PLAGL1: variants seen among roughly 807,000 people sequenced by gnomAD.
The protein encoded by PLAGL1 is zinc finger protein PLAGL1.
A neutral mutation model predicts 4.6 loss-of-function variants in PLAGL1; 1 was observed. The observed-to-expected ratio is 0.22, with a 90% confidence interval of 0.08 to 1.03. The LOEUF (loss-of-function observed/expected upper bound fraction) is 1.03, where lower values mean the gene tolerates loss of function less well. Among genes scored for constraint, PLAGL1 ranks in the 50% least tolerant of loss-of-function variants. PLAGL1 has a pLI of 0.58. For missense variants in PLAGL1, 464 were observed against 570.4 expected, an observed-to-expected ratio of 0.81 and a Z score of 1.90; for synonymous variants, 240 against 237.8, an observed-to-expected ratio of 1.01 and a Z score of -0.08.
rs1780186842 is a variant in PLAGL1 at position 143,948,052 on chromosome 6, C to T, written c.85G>A (p.Glu29Lys). The T allele has an allele frequency of 1.2e-6, 2 of 1,613,986 alleles. No homozygotes were observed. The highest frequency in any genetic ancestry group is 2.7e-5 in the African/African-American group (2 of 74,946). The change falls in exon 7 of 8, where the codon GAG becomes AAG. Residue 29 changes from glutamate (E) to lysine (K), a missense_variant. Glu to Lys is a moderately conservative substitution (Grantham distance 56). Coordinates refer to ENST00000674357, the MANE Select transcript of PLAGL1 (RefSeq NM_001317162.2). This position sits in a 1 kb window ranked among gnomAD's most constrained non-coding sequence, Gnocchi z 6.0. ...GGCTGCACACACTTGTACGGCCGCT[C>T]CCTGGAGTGGGAATAATTGTGAATC... Reference protein sequence around the residue: ...FTIHNYSHSRERPYKCVQPDC... With the variant: ...FTIHNYSHSRKRPYKCVQPDC...
Position 144,063,220 on chromosome 6 carries a change from C to T in PLAGL1, c.-151+1248G>A, listed in dbSNP as rs981631228. 1.3e-5 allele frequency among the ~76,000 whole-genome samples: 2 copies of T among 152,194 alleles called. No individual in the cohort carries two copies. The highest frequency in any genetic ancestry group is 2.9e-5 in the Non-Finnish European group (2 of 68,038). ...AACTTTGTAGTATTCCAATTTCTCC[C>T]CTTTCCACACACTTCCATACACCCT... is the stretch of plus-strand genomic sequence containing the variant. On this transcript the variant is annotated intron_variant, in intron 1 of 3. Coordinates refer to the PLAGL1 transcript ENST00000437412. This position sits in a 1 kb window ranked among gnomAD's most constrained non-coding sequence, Gnocchi z 5.7.
chr6:144,025,661 G>A (rs528474669), intron 1 of PLAGL1, among the ~76,000 whole-genome samples: 9 of 152,166 alleles, frequency 5.9e-5, no homozygotes, highest in South Asian at 2.1e-4. Context: ...AGGCTGAGGC[G>A]GGTAGATAAC....
intron 1 of PLAGL1, among the ~76,000 whole-genome samples, chr6:144,035,607 C>G (rs1797160721): frequency 6.6e-6 from 1 of 152,190 alleles, no homozygotes; most frequent in Non-Finnish European, 1.5e-5. Flanking sequence ...TGCCCAGGAA[C>G]AATGCTTTGC....
chr6:144,051,666 T>C (rs926642376), intron 1 of PLAGL1, among the ~76,000 whole-genome samples: 5 of 152,212 alleles, frequency 3.3e-5, no homozygotes, highest in Admixed American at 3.3e-4. Context: ...TTTAATGGAC[T>C]TACAGTTCCA....
Position 143,968,538 on chromosome 6 carries a change from C to T in PLAGL1, c.-472+369G>A, listed in dbSNP as rs768993086. On this transcript the variant is annotated intron_variant, in intron 3 of 7. Coordinates refer to ENST00000674357, the MANE Select transcript of PLAGL1 (RefSeq NM_001317162.2). The surrounding 1 kb of genome is among the most constrained non-coding windows in gnomAD (Gnocchi z 6.3). ...TTTAAAATATAACAGAAAGAGATCA[C>T]GAAGTTTCTAGTGAGCAAGTCATGA... 1.4e-4 allele frequency: 22 copies of T among 152,014 alleles called. No homozygotes were observed. The highest frequency in any genetic ancestry group is 1.2e-3 in the South Asian group (6 of 4,810). 9.4% of individuals were successfully genotyped at this position (152,014 alleles called of 1,614,324 possible).
chr6:143,992,500 T>TTA (rs1379876959), intron 1 of PLAGL1, among the ~76,000 whole-genome samples: 1 of 152,200 alleles, frequency 6.6e-6, no homozygotes, highest in African/African-American at 2.4e-5. Flanking sequence ...GTAGGATGTT[T>TTA]TAGCAAAAAC....
intron 6 of PLAGL1, among the ~76,000 whole-genome samples, chr6:143,951,504 A>G (rs962430302): frequency 1.3e-5 from 2 of 152,364 alleles, no homozygotes; most frequent in South Asian, 2.1e-4. Flanking sequence ...CTTACCAAAC[A>G]CACTAGGAGT....
intron 1 of PLAGL1, among the ~76,000 whole-genome samples, chr6:144,043,981 TTC>T (rs1797934986): frequency 6.6e-6 from 1 of 152,230 alleles, no homozygotes; most frequent in Admixed American, 6.5e-5. Context: ...GGTTATAGTA[TTC>T]TCTGATAGAA....
rs1718513100 is a variant in PLAGL1 at position 143,945,967 on chromosome 6, GAAC to G, written c.152+2015_152+2017del. Among the ~76,000 whole-genome samples the G allele has an allele frequency of 6.6e-6, 1 of 152,170 alleles. No individual in the cohort carries two copies. The highest frequency in any genetic ancestry group is 2.1e-4 in the South Asian group (1 of 4,826). ...CTGAACAAGCCATTTTCCTTGCTAA[GAAC>G]AACTACCTTCTAAACATGACTTAAG... On this transcript the variant is annotated intron_variant, in intron 7 of 7. Coordinates refer to ENST00000674357, the MANE Select transcript of PLAGL1 (RefSeq NM_001317162.2). This position sits in a 1 kb window ranked among gnomAD's most constrained non-coding sequence, Gnocchi z 4.2.
Position 144,050,936 on chromosome 6 carries a change from T to C in PLAGL1, c.-151+13532A>G, listed in dbSNP as rs1347201112. ...GCCAAAAACCTTAGGGAACTGTATC[T>C]GTTACTCTTTTATTACCAATAATAT... On this transcript the variant is annotated intron_variant, in intron 1 of 3. Coordinates refer to the PLAGL1 transcript ENST00000437412. The surrounding 1 kb of genome is among the most constrained non-coding windows in gnomAD (Gnocchi z 4.3). Among the ~76,000 whole-genome samples, 1 of 152,226 alleles carries C rather than the reference T, an allele frequency of 6.6e-6. No homozygotes were observed.
rs551820792 is a variant in PLAGL1, at chr6:143,955,791, A to C, written c.-325+4678T>G. ...GGTGGGCTGGATAATGAGATCATTT[A>C]GGCTTCTGCCAGATCTCAGAAGAGA... On this transcript the variant is annotated intron_variant, in intron 6 of 7. Coordinates refer to ENST00000674357, the MANE Select transcript of PLAGL1 (RefSeq NM_001317162.2). This position sits in a 1 kb window ranked among gnomAD's most constrained non-coding sequence, Gnocchi z 4.9. Among the ~76,000 whole-genome samples, 4 of 152,214 alleles carry C rather than the reference A, an allele frequency of 2.6e-5. No homozygotes were observed. In the South Asian group the frequency reaches 8.3e-4, roughly 32 times the overall value.
intron 1 of PLAGL1, among the ~76,000 whole-genome samples, chr6:144,043,712 C>G (rs1298400115): frequency 6.6e-6 from 1 of 151,972 alleles, no homozygotes; most frequent in African/African-American, 2.4e-5. Context: ...AGGGAGGATT[C>G]CCTCTTTTTC....
At chr6:144,029,245 G>A (rs957205376) in intron 1 of PLAGL1, among the ~76,000 whole-genome samples, 2 of 151,990 alleles carry the variant, frequency 1.3e-5, no homozygotes, top group Admixed American at 1.3e-4. Context: ...GGTAAGGAAG[G>A]CATTTCCAAG....
At position 144,045,231 on chromosome 6, in the gene PLAGL1, G is replaced by A. The variant is rs578104694; in HGVS notation, c.-151+19237C>T. 2.9e-4 allele frequency among the ~76,000 whole-genome samples: 44 copies of A among 152,162 alleles called. No homozygotes were observed. The East Asian group carries it at 6.0e-3, about 21-fold the overall frequency. On this transcript the variant is annotated intron_variant, in intron 1 of 3. Coordinates refer to the PLAGL1 transcript ENST00000437412. ...GTGAATTTGATCCTGTCATTATGATGTTAGCTGGTTGTTTTGCCTGTTAAT... is the reference window on the plus strand; with the variant it reads ...GTGAATTTGATCCTGTCATTATGATATTAGCTGGTTGTTTTGCCTGTTAAT...
rs777162454 is a variant in PLAGL1 at position 144,048,751 on chromosome 6, G to T, written c.-151+15717C>A. ...GGGCTGCCAAGAAGGTCTCTAACAT[G>T]CCCTGAAATGTTTTCCCCATCATCT... On this transcript the variant is annotated intron_variant, in intron 1 of 3. Transcript: ENST00000437412. The surrounding 1 kb of genome is among the most constrained non-coding windows in gnomAD (Gnocchi z 4.8). 5.3e-5 allele frequency among the ~76,000 whole-genome samples: 8 copies of T among 152,202 alleles called. No individual in the cohort carries two copies. Among genetic ancestry groups the T allele is most frequent in the Non-Finnish European group, 8.8e-5 (6 of 68,040 alleles).
chr6:144,031,057 G>T (rs1210422448), intron 1 of PLAGL1, among the ~76,000 whole-genome samples: 1 of 152,162 alleles, frequency 6.6e-6, no homozygotes, highest in Non-Finnish European at 1.5e-5. Flanking sequence ...TTGCAGAAAT[G>T]AGGTGATATC....
upstream of PLAGL1, chr6:144,008,903 A>T (rs1794907436): frequency 6.6e-6 from 1 of 152,228 alleles, no homozygotes; most frequent in Non-Finnish European, 1.5e-5. The surrounding 1 kb of genome is among the most constrained non-coding windows in gnomAD (Gnocchi z 6.9). Flanking sequence ...GGGTAGACAG[A>T]AGTAATTTTC....
rs188632749 is a variant in PLAGL1 at position 143,957,929 on chromosome 6, T to C, written c.-325+2540A>G. Reference sequence around the variant, plus strand: ...AATATCTGCACTTTCTAAAGTTTGATAATGACTACTTAGGCTGAGTCTAGG... The same window carrying C: ...AATATCTGCACTTTCTAAAGTTTGACAATGACTACTTAGGCTGAGTCTAGG... On this transcript the variant is annotated intron_variant, in intron 6 of 7. Coordinates refer to ENST00000674357, the MANE Select transcript of PLAGL1 (RefSeq NM_001317162.2). The surrounding 1 kb of genome is among the most constrained non-coding windows in gnomAD (Gnocchi z 4.2). Among the ~76,000 whole-genome samples, 51 of 152,374 alleles carry C rather than the reference T, an allele frequency of 3.3e-4. No individual in the cohort carries two copies. The highest frequency in any genetic ancestry group is 1.2e-3 in the African/African-American group (49 of 41,588).
At chr6:144,025,877 A>C (rs1401764079) in intron 1 of PLAGL1, among the ~76,000 whole-genome samples, 2 of 152,224 alleles carry the variant, frequency 1.3e-5, no homozygotes, top group African/African-American at 4.8e-5. Flanking sequence ...TGGGTGACAG[A>C]GCAAGACTCC....
Sources: gnomAD v4.1 joint callset for allele counts (sites outside exome capture counted in the v4.1 genomes callset) on GRCh38, gnomAD v4.1.1 for gene constraint, Gnocchi (gnomAD v3.1) non-coding constraint, MANE v1.5 for transcripts, NCBI Gene and HGNC (gene_info 2026-07-23, HGNC 2026-07-21) for gene names.